The following RBFOX1 variants were observed in gnomAD, a reference collection of about 807,000 sequenced individuals.
RBFOX1 encodes the protein RNA binding fox-1 homolog 1.
RBFOX1 carries 8 observed loss-of-function variants against 57.7 expected under a neutral mutation model. The observed-to-expected ratio is 0.14, with a 90% CI of 0.08 to 0.25. The LOEUF (loss-of-function observed/expected upper bound fraction) is 0.25. Ranked by LOEUF, RBFOX1 falls within the 10% of genes least tolerant of loss-of-function variation. The pLI is 1.00. For missense variants in RBFOX1, 611 were observed against 548.5 expected, an observed-to-expected ratio of 1.11 and a Z score of -1.14; for synonymous variants, 326 against 222.4, an observed-to-expected ratio of 1.47 and a Z score of -4.15.
At chr16:7,136,177 C>G (rs548543484) in intron 4 of RBFOX1, among the ~76,000 whole-genome samples, 1 of 152,276 alleles carries the variant, frequency 6.6e-6, no homozygotes, top group African/African-American at 2.4e-5. Context: ...GAGAGTTTGG[C>G]ATTTCCAAGG....
intron 1 of RBFOX1, among the ~76,000 whole-genome samples, chr16:6,067,569 GGA>G (rs1470184931): frequency 6.6e-6 from 1 of 152,116 alleles, no homozygotes; most frequent in Admixed American, 6.6e-5. Context: ...AAATATGTTG[GGA>G]GAGAGAGATT....
intron 14 of RBFOX1, among the ~76,000 whole-genome samples, chr16:7,703,516 GCTC>G (rs1009413675): frequency 1.3e-5 from 2 of 152,126 alleles, no homozygotes; most frequent in Non-Finnish European, 2.9e-5. Context: ...GGGCATAAAC[GCTC>G]CTCATCAAAA....
chr16:5,249,721 C>A (rs1162914686), intron 1 of RBFOX1, among the ~76,000 whole-genome samples: 3 of 152,202 alleles, frequency 2.0e-5, no homozygotes, highest in African/African-American at 7.2e-5. Context: ...GTATTCCCAG[C>A]ACTTTTGGAG....
intron 4 of RBFOX1, among the ~76,000 whole-genome samples, chr16:7,376,112 C>G (rs77261850): frequency 0.035 from 5,352 of 152,196 alleles, 227 homozygotes; most frequent in African/African-American, 0.093. Flanking sequence ...TTTTCTAAAA[C>G]AACAAGAAAT....
At position 6,866,617 on chromosome 16, in the gene RBFOX1, C is replaced by G. The variant is rs189851199; in HGVS notation, c.-15-185440C>G. On this transcript the variant is annotated intron_variant, in intron 3 of 15. Coordinates refer to ENST00000550418, the MANE Select transcript of RBFOX1 (RefSeq NM_018723.4). Reference sequence around the variant, plus strand: ...AGTGCAGTGGTGCGATCTCGGCTCACTGCAAGCTCCGCCTCCCCGGTTCAC... The same window carrying G: ...AGTGCAGTGGTGCGATCTCGGCTCAGTGCAAGCTCCGCCTCCCCGGTTCAC... Among the ~76,000 whole-genome samples the G allele has an allele frequency of 6.7e-3, 890 of 132,278 alleles. 14 individuals are homozygous for G. The highest frequency in any genetic ancestry group is 0.025 in the African/African-American group (842 of 34,258). 86.8% of individuals were successfully genotyped at this position (132,278 alleles called of 152,430 possible). A position where few individuals can be genotyped will look rare whatever the true frequency, so the allele number is the denominator to read the frequency against.
intron 3 of RBFOX1, among the ~76,000 whole-genome samples, chr16:5,810,649 C>T (rs2055389535): frequency 1.3e-5 from 2 of 152,204 alleles, no homozygotes; most frequent in African/African-American, 4.8e-5. Context: ...AGCTGTACCA[C>T]TTCCCCATCT....
At chr16:7,226,717 C>G (rs958998962) in intron 4 of RBFOX1, among the ~76,000 whole-genome samples, 2 of 152,152 alleles carry the variant, frequency 1.3e-5, no homozygotes, top group Non-Finnish European at 2.9e-5. Context: ...TTCAGAGATA[C>G]GTCTAAAGTC....
At chr16:7,474,968 C>G (rs1356866067) in intron 4 of RBFOX1, among the ~76,000 whole-genome samples, 1 of 152,156 alleles carries the variant, frequency 6.6e-6, no homozygotes, top group Non-Finnish European at 1.5e-5. Context: ...CGCCATCTTT[C>G]CCTTTGATTT....
intron 3 of RBFOX1, among the ~76,000 whole-genome samples, chr16:6,982,496 G>C (rs1162070708): frequency 2.0e-5 from 3 of 152,142 alleles, no homozygotes; most frequent in Non-Finnish European, 2.9e-5. Context: ...TGACGAGGTG[G>C]ATCCTGGAGT....
At chr16:5,817,665 C>A (rs1028792317) in intron 3 of RBFOX1, among the ~76,000 whole-genome samples, 2 of 150,434 alleles carry the variant, frequency 1.3e-5, no homozygotes, top group African/African-American at 4.9e-5. Flanking sequence ...GAGATGCCGA[C>A]AGGGTGCCTG....
At chr16:7,633,277 A>C (rs1263536937) in intron 11 of RBFOX1, among the ~76,000 whole-genome samples, 1 of 152,218 alleles carries the variant, frequency 6.6e-6, no homozygotes, top group Admixed American at 6.5e-5. Context: ...TGGCAATATC[A>C]CTGCACTGTG....
chr16:6,418,067 C>T (rs2152984254), intron 2 of RBFOX1, among the ~76,000 whole-genome samples: 1 of 152,294 alleles, frequency 6.6e-6, no homozygotes, highest in Admixed American at 6.5e-5. Context: ...AGAGGGTTCC[C>T]TCAGGCTCCT....
chr16:6,533,784 G>A (rs1220897942), intron 2 of RBFOX1, among the ~76,000 whole-genome samples: 1 of 152,116 alleles, frequency 6.6e-6, no homozygotes, highest in Non-Finnish European at 1.5e-5. Flanking sequence ...CCCTGGAAGG[G>A]AACATAAACA....
At chr16:6,716,149 T>G (rs1475994606) in intron 3 of RBFOX1, among the ~76,000 whole-genome samples, 1 of 152,256 alleles carries the variant, frequency 6.6e-6, no homozygotes, top group Non-Finnish European at 1.5e-5. Flanking sequence ...GGAACTTAGA[T>G]AGGTTGCTTT....
chr16:5,379,858 C>G (rs753707000), intron 1 of RBFOX1, among the ~76,000 whole-genome samples: 2 of 152,150 alleles, frequency 1.3e-5, no homozygotes, highest in Non-Finnish European at 2.9e-5. Context: ...CATTAAACAT[C>G]TCTTCTGGGT....
At chr16:6,167,916 G>A (rs1477850900) in intron 1 of RBFOX1, among the ~76,000 whole-genome samples, 6 of 152,180 alleles carry the variant, frequency 3.9e-5, no homozygotes, top group Non-Finnish European at 8.8e-5. Context: ...TGCCTATGCT[G>A]CAAAGATTAT....
chr16:7,603,817 G>A (rs1228494667), intron 9 of RBFOX1, among the ~76,000 whole-genome samples: 1 of 152,152 alleles, frequency 6.6e-6, no homozygotes, highest in African/African-American at 2.4e-5. Context: ...AGACATGTGT[G>A]CTTATCTCAA....
intron 4 of RBFOX1, among the ~76,000 whole-genome samples, chr16:7,162,099 T>C (rs2078448849): frequency 1.3e-5 from 2 of 152,194 alleles, no homozygotes; most frequent in African/African-American, 4.8e-5. Context: ...GTTGGTGTCT[T>C]GCCAGAGAAA....
intron 1 of RBFOX1, among the ~76,000 whole-genome samples, chr16:6,262,521 C>G (rs1456433256): frequency 6.6e-6 from 1 of 152,144 alleles, no homozygotes; most frequent in African/African-American, 2.4e-5. Flanking sequence ...GCAGCAGCAT[C>G]TCATAAACAT....
Sources: allele counts gnomAD v4.1 joint callset (sites outside exome capture counted in the v4.1 genomes callset), GRCh38; gene constraint gnomAD v4.1.1; transcripts MANE v1.5; gene names NCBI Gene and HGNC (gene_info 2026-07-23, HGNC 2026-07-21).